CNNM2: variants seen among roughly 807,000 people sequenced by gnomAD.
CNNM2 encodes the protein metal transporter CNNM2.
A neutral mutation model predicts 66.9 loss-of-function variants in CNNM2; 12 were observed. The observed-to-expected ratio is 0.18, with a 90% confidence interval of 0.11 to 0.29. The LOEUF is 0.29. CNNM2 is among the 10% of genes least tolerant of loss of function. CNNM2 has a pLI of 1.00. For synonymous variants in CNNM2, 557 were observed against 501.8 expected, an observed-to-expected ratio of 1.11 and a Z score of -1.47; for missense variants, 705 against 1,167.7, an observed-to-expected ratio of 0.60 and a Z score of 5.77.
At position 103,080,710 on chromosome 10, in the gene CNNM2, G is replaced by A. The variant is rs2065749589; in HGVS notation, c.*3530G>A. The A allele has an allele frequency of 6.6e-6, 1 of 152,236 alleles. No homozygotes were observed. The highest frequency in any genetic ancestry group is 1.5e-5 in the Non-Finnish European group (1 of 68,036). 9.4% of individuals were successfully genotyped at this position (152,236 alleles called of 1,614,324 possible). On this transcript the variant is annotated 3_prime_UTR_variant, in exon 8 of 8. Coordinates refer to ENST00000369878, the MANE Select transcript of CNNM2 (RefSeq NM_017649.5). ...AACTGTGAGTATATTTACCTGTGCT[G>A]TCGTCAGCACTGTACACTAAAGGAC...
At chr10:102,965,720 G>A (rs1272953890) in intron 1 of CNNM2, among the ~76,000 whole-genome samples, 2 of 152,170 alleles carry the variant, frequency 1.3e-5, no homozygotes, top group East Asian at 1.9e-4. Flanking sequence ...TCCATCTGAC[G>A]CAAATTGTGA....
At chr10:102,947,246 G>C (rs1182877584) in intron 1 of CNNM2, among the ~76,000 whole-genome samples, 1 of 151,822 alleles carries the variant, frequency 6.6e-6, no homozygotes, top group Admixed American at 6.6e-5. Flanking sequence ...CCCTATAAAG[G>C]GTTCAGTTTT....
intron 1 of CNNM2, among the ~76,000 whole-genome samples, chr10:102,966,368 G>A (rs1302070968): frequency 6.6e-6 from 1 of 152,184 alleles, no homozygotes; most frequent in Admixed American, 6.5e-5. Context: ...TGTGGCTCAT[G>A]CCTGTAATCC....
chr10:103,008,914 T>G (rs1311911668), intron 1 of CNNM2, among the ~76,000 whole-genome samples: 2 of 152,100 alleles, frequency 1.3e-5, no homozygotes, highest in Non-Finnish European at 2.9e-5. Flanking sequence ...GTTTATAATA[T>G]GAGCTAAATG....
intron 1 of CNNM2, among the ~76,000 whole-genome samples, chr10:102,972,195 T>C (rs1336014753): frequency 6.6e-6 from 1 of 152,220 alleles, no homozygotes; most frequent in African/African-American, 2.4e-5. Context: ...CTTAATTCAG[T>C]GATTCCTAAT....
rs1175976053 is a variant in CNNM2 at position 103,087,125 on chromosome 10, A to T, written c.*9945A>T. The T allele has an allele frequency of 9.7e-5, 13 of 133,662 alleles. No individual in the cohort carries two copies. The highest frequency in any genetic ancestry group is 1.4e-4 in the African/African-American group (5 of 36,506). 8.3% of individuals were successfully genotyped at this position (133,662 alleles called of 1,614,324 possible). ...AGTGGCAGAATGGTCTTCTCACGGT[A>T]TAAAACTCCGCAGGATTTTTTTTTT... is the stretch of plus-strand genomic sequence containing the variant. On this transcript the variant is annotated 3_prime_UTR_variant, in exon 8 of 8. Transcript: ENST00000369878.
chr10:102,991,055 C>T (rs1220092158), intron 1 of CNNM2, among the ~76,000 whole-genome samples: 1 of 152,066 alleles, frequency 6.6e-6, no homozygotes, highest in Non-Finnish European at 1.5e-5. Context: ...GGTGCGATCT[C>T]GGCACACTGC....
chr10:103,055,603 A>C (rs535015667), intron 3 of CNNM2, among the ~76,000 whole-genome samples: 1 of 152,326 alleles, frequency 6.6e-6, no homozygotes, highest in South Asian at 2.1e-4. Context: ...CTTATAGATA[A>C]GTTTTTCTTT....
chr10:103,014,116 A>G (rs2064396470), intron 1 of CNNM2, among the ~76,000 whole-genome samples: 1 of 152,168 alleles, frequency 6.6e-6, no homozygotes, highest in Non-Finnish European at 1.5e-5. Context: ...CTCTTTACGC[A>G]TTACAGCTTG....
At chr10:103,030,239 A>G (rs944505003) in intron 1 of CNNM2, among the ~76,000 whole-genome samples, 1 of 152,182 alleles carries the variant, frequency 6.6e-6, no homozygotes, top group South Asian at 2.1e-4. Flanking sequence ...ACGTTCCTAA[A>G]TGCAGTGGGA....
rs188263795 is a variant in CNNM2 at position 103,073,778 on chromosome 10, C to T, written c.2233+1939C>T. On this transcript the variant is annotated intron_variant, in intron 6 of 7. Transcript: ENST00000369878. The stretch of plus-strand genomic sequence containing the variant: ...TCGGGAGGCTGAGGCAGGAGAATGG[C>T]GTGAACCCGGGAAGCGGAACTTGCA... Among the ~76,000 whole-genome samples the T allele has an allele frequency of 4.3e-3, 610 of 140,920 alleles. 20 individuals are homozygous for T. In the East Asian group the frequency reaches 0.082, roughly 19 times the overall value. 92.4% of individuals were successfully genotyped at this position (140,920 alleles called of 152,430 possible).
chr10:102,922,156 A>G (rs1845665927), intron 1 of CNNM2, among the ~76,000 whole-genome samples: 1 of 152,250 alleles, frequency 6.6e-6, no homozygotes, highest in South Asian at 2.1e-4. Context: ...TATTTGGTTA[A>G]GAAGATAGTC....
rs1468044593 is a variant in CNNM2 at position 103,054,272 on chromosome 10, G to A, written c.1766-57G>A. ...ATTTTGTCTTTTTCATTCAAAAAGA[G>A]CCCTCATCTCATGGGATGCATTTCT... On this transcript the variant is annotated intron_variant, in intron 2 of 7. Coordinates refer to ENST00000369878, the MANE Select transcript of CNNM2 (RefSeq NM_017649.5). The surrounding 1 kb of genome is among the most constrained non-coding windows in gnomAD (Gnocchi z 5.2). The A allele has an allele frequency of 5.1e-6, 8 of 1,571,764 alleles. No homozygotes were observed. Among genetic ancestry groups the A allele is most frequent in the Non-Finnish European group, 6.1e-6 (7 of 1,153,842 alleles).
At position 103,080,674 on chromosome 10, in the gene CNNM2, T is replaced by C. The variant is rs2065749234; in HGVS notation, c.*3494T>C. On this transcript the variant is annotated 3_prime_UTR_variant, in exon 8 of 8. Transcript: ENST00000369878. ...TGTTGAATGCAGAGCTTCACACTAATACGGAACAGTAACTGTGAGTATATT... is the reference window on the plus strand; with the variant it reads ...TGTTGAATGCAGAGCTTCACACTAACACGGAACAGTAACTGTGAGTATATT... The C allele has an allele frequency of 6.6e-6, 1 of 152,198 alleles. No individual in the cohort carries two copies. Among genetic ancestry groups the C allele is most frequent in the Non-Finnish European group, 1.5e-5 (1 of 68,046 alleles). The allele number at this position is 152,198 out of a possible 1,614,324, so 9.4% of individuals were successfully genotyped here.
Position 102,936,703 on chromosome 10 carries a change from A to ACAACT in CNNM2, c.1621+16603_1621+16607dup, listed in dbSNP as rs576953677. ...TCATATATACATACATTAACCTGCA[A>ACAACT]CAACTAGAAGAACATTTACCAAAAT... On this transcript the variant is annotated intron_variant, in intron 1 of 7. Coordinates refer to ENST00000369878, the MANE Select transcript of CNNM2 (RefSeq NM_017649.5). Among the ~76,000 whole-genome samples, 55 of 152,302 alleles carry ACAACT rather than the reference A, an allele frequency of 3.6e-4. 1 individual carries two copies. The South Asian group carries it at 8.9e-3, about 25-fold the overall frequency.
At chr10:103,048,328 A>C (rs1038784691) in intron 1 of CNNM2, among the ~76,000 whole-genome samples, 2 of 137,712 alleles carry the variant, frequency 1.5e-5, no homozygotes, top group Non-Finnish European at 3.1e-5. Flanking sequence ...TGATTCTCCC[A>C]CCTCAGCCTC....
intron 1 of CNNM2, among the ~76,000 whole-genome samples, chr10:102,983,922 G>T (rs909060001): frequency 6.6e-6 from 1 of 151,804 alleles, no homozygotes; most frequent in African/African-American, 2.4e-5. Flanking sequence ...CCGCCACCAC[G>T]CCTGGCTAAT....
At chr10:103,014,113 C>T (rs540637219) in intron 1 of CNNM2, among the ~76,000 whole-genome samples, 4 of 152,276 alleles carry the variant, frequency 2.6e-5, no homozygotes, top group African/African-American at 7.2e-5. Context: ...GTTCTCTTTA[C>T]GCATTACAGC....
intron 6 of CNNM2, among the ~76,000 whole-genome samples, chr10:103,073,735 G>A (rs1186096137): frequency 1.3e-5 from 2 of 151,930 alleles, no homozygotes; most frequent in African/African-American, 4.8e-5. Context: ...TGTGGTGGGC[G>A]CCTGTAGTCC....
Sources: allele counts gnomAD v4.1 joint callset (sites outside exome capture counted in the v4.1 genomes callset), GRCh38; gene constraint gnomAD v4.1.1; non-coding constraint Gnocchi (gnomAD v3.1); transcripts MANE v1.5; gene names NCBI Gene and HGNC (gene_info 2026-07-23, HGNC 2026-07-21).